Variants in FBXL13 observed in about 807,000 individuals in gnomAD.
The protein encoded by FBXL13 is F-box and leucine rich repeat protein 13.
In FBXL13, 67 loss-of-function variants were observed where a neutral mutation model predicts 83.6. That is an observed-to-expected ratio of 0.80 (90% CI 0.66 to 0.98). The LOEUF (loss-of-function observed/expected upper bound fraction) is 0.98, where lower values mean the gene tolerates loss of function less well. Ranked by LOEUF, FBXL13 falls within the 50% of genes least tolerant of loss-of-function variation. The pLI is 0.00. For missense variants in FBXL13, 822 were observed against 866.5 expected (o/e 0.95, Z 0.64); for synonymous variants, 272 against 299.5 (o/e 0.91, Z 0.95).
chr7:102,883,793 TA>T (rs1307823985), intron 12 of FBXL13, 108 bp from the exon 14 acceptor site: 2 of 640,920 alleles, frequency 3.1e-6, no homozygotes, highest in African/African-American at 3.7e-5. Context: ...TGTTAACTGT[TA>T]ATTTTCCTAA....
intron 18 of FBXL13, among the ~76,000 whole-genome samples, chr7:102,822,731 A>T (rs1185102757): frequency 6.6e-6 from 1 of 152,226 alleles, no homozygotes; most frequent in Non-Finnish European, 1.5e-5. Flanking sequence ...AACTGTTTCC[A>T]AATAAGGTCA....
intron 11 of FBXL13, among the ~76,000 whole-genome samples, chr7:102,911,963 C>G (rs1172714329): frequency 2.6e-5 from 4 of 152,196 alleles, no homozygotes; most frequent in Non-Finnish European, 4.4e-5. Flanking sequence ...CAGGATACCA[C>G]AAGATGTCAG....
chr7:103,061,438 C>T (rs182042824), intron 1 of FBXL13, among the ~76,000 whole-genome samples: 200 of 152,250 alleles, frequency 1.3e-3, no homozygotes, highest in African/African-American at 4.5e-3. Context: ...AGGAACTACA[C>T]GTGTAAACTG....
intron 11 of FBXL13, among the ~76,000 whole-genome samples, chr7:102,887,386 T>C (rs1810934496): frequency 6.6e-6 from 1 of 151,802 alleles, no homozygotes; most frequent in Non-Finnish European, 1.5e-5. Flanking sequence ...CAATAGGATA[T>C]ACTTACATCC....
At chr7:103,056,990 C>T (rs1264102949) in intron 1 of FBXL13, among the ~76,000 whole-genome samples, 4 of 152,000 alleles carry the variant, frequency 2.6e-5, no homozygotes, top group African/African-American at 9.7e-5. Context: ...GTCCTTAGCC[C>T]ACTTTTTGAT....
chr7:103,039,821 T>C (rs1156757410), intron 2 of FBXL13, among the ~76,000 whole-genome samples: 1 of 151,794 alleles, frequency 6.6e-6, no homozygotes, highest in Admixed American at 6.6e-5. Context: ...GAGCTCCTGG[T>C]GGAAGCACTA....
Position 102,831,430 on chromosome 7 carries a change from CA to C in FBXL13, c.1854+1409del, listed in dbSNP as rs1305591742. Reference sequence around the variant, plus strand: ...ACACACACACACACACACACACACACACCCCACTACAGAGAGTTATCTTGTC... The same window carrying C: ...ACACACACACACACACACACACACACCCCCACTACAGAGAGTTATCTTGTC... On this transcript the variant is annotated intron_variant, in intron 18 of 19. Coordinates refer to ENST00000313221, the Ensembl canonical transcript of FBXL13. Among the ~76,000 whole-genome samples the C allele has an allele frequency of 7.3e-5, 11 of 151,372 alleles. No homozygotes were observed. The East Asian group carries it at 9.7e-4, about 13-fold the overall frequency.
chr7:102,837,835 G>A (rs574171516), intron 17 of FBXL13, among the ~76,000 whole-genome samples: 5 of 152,306 alleles, frequency 3.3e-5, no homozygotes, highest in Admixed American at 6.5e-5. Context: ...GAGCCACTAC[G>A]CCCAGGCAAC....
intron 6 of FBXL13, among the ~76,000 whole-genome samples, chr7:103,013,323 C>T (rs985534489): frequency 2.0e-5 from 3 of 152,158 alleles, no homozygotes; most frequent in Admixed American, 6.5e-5. Flanking sequence ...CTGAAAACAA[C>T]AGAACATACA....
rs79414737 is a variant in FBXL13 at position 102,921,729 on chromosome 7, G to A, written c.878+4545C>T. On this transcript the variant is annotated intron_variant, in intron 10 of 19. Coordinates refer to ENST00000313221, the Ensembl canonical transcript of FBXL13. The stretch of plus-strand genomic sequence containing the variant: ...AAGAAGCTCTGTTTTAAGCATCCAC[G>A]GATGATTTTTGGAAATTAATTATAA... Among the ~76,000 whole-genome samples the A allele has an allele frequency of 0.013, 1,962 of 152,048 alleles. 92 individuals carry two copies. In the East Asian group the frequency reaches 0.16, roughly 12 times the overall value.
intron 18 of FBXL13, among the ~76,000 whole-genome samples, chr7:102,823,993 GACA>G: frequency 6.6e-6 from 1 of 152,070 alleles, no homozygotes; most frequent in African/African-American, 2.4e-5. Context: ...AGAAAGGAAG[GACA>G]ACAAGGTGAT....
At chr7:102,891,558 G>A (rs1283362161) in intron 11 of FBXL13, among the ~76,000 whole-genome samples, 1 of 152,200 alleles carries the variant, frequency 6.6e-6, no homozygotes, top group Non-Finnish European at 1.5e-5. Context: ...TGAATGAATT[G>A]TTTGTAGAAT....
intron 2 of FBXL13, among the ~76,000 whole-genome samples, chr7:103,037,274 A>T (rs1478614939): frequency 1.3e-5 from 2 of 152,240 alleles, no homozygotes; most frequent in Non-Finnish European, 2.9e-5. Flanking sequence ...ACAAGGATAC[A>T]GGATCAACCA....
intron 6 of FBXL13, among the ~76,000 whole-genome samples, chr7:102,999,291 T>C (rs554810567): frequency 1.3e-5 from 2 of 152,320 alleles, no homozygotes; most frequent in South Asian, 4.1e-4. Context: ...TGGAGAATGA[T>C]CTTTTTACCA....
intron 19 of FBXL13, among the ~76,000 whole-genome samples, chr7:102,814,795 AAT>A (rs1428975567): frequency 3.3e-5 from 5 of 152,228 alleles, no homozygotes; most frequent in Non-Finnish European, 7.3e-5. Context: ...TGTCAAAGAT[AAT>A]GTTTTGCATT....
intron 18 of FBXL13, among the ~76,000 whole-genome samples, chr7:102,825,217 G>A (rs1584453656): frequency 6.6e-6 from 1 of 152,258 alleles, no homozygotes; most frequent in East Asian, 1.9e-4. Context: ...AACACATATT[G>A]AAACTTAACC....
chr7:102,811,677 A>G (rs1331025054), downstream of FBXL13, among the ~76,000 whole-genome samples: 1 of 152,144 alleles, frequency 6.6e-6, no homozygotes, highest in African/African-American at 2.4e-5. Flanking sequence ...TATAAGTTCC[A>G]CCAGTTGTGT....
At chr7:103,050,743 C>G (rs80136542) in intron 2 of FBXL13, among the ~76,000 whole-genome samples, 1,676 of 152,258 alleles carry the variant, frequency 0.011, 35 homozygotes, top group African/African-American at 0.039. Flanking sequence ...GTAGTGAAGG[C>G]ATCTTTTCCA....
chr7:102,930,044 T>C (rs972378075), intron 9 of FBXL13, among the ~76,000 whole-genome samples: 4 of 151,748 alleles, frequency 2.6e-5, no homozygotes, highest in Admixed American at 2.6e-4. Context: ...GAGGGAAGGG[T>C]AGTCATTTAG....
Sources: gnomAD v4.1 joint callset for allele counts (sites outside exome capture counted in the v4.1 genomes callset) on GRCh38, gnomAD v4.1.1 for gene constraint, MANE v1.5 for transcripts, NCBI Gene and HGNC (gene_info 2026-07-23, HGNC 2026-07-21) for gene names.